ALDH16A1: variants seen among roughly 807,000 people sequenced by gnomAD.
ALDH16A1 encodes the protein aldehyde dehydrogenase family 16 member A1.
In ALDH16A1, 88 loss-of-function variants were observed where a neutral mutation model predicts 96.1. The ratio of observed to expected loss-of-function variants is 0.92; its 90% CI spans 0.77 to 1.09. The LOEUF (loss-of-function observed/expected upper bound fraction) is 1.09. ALDH16A1 is among the 50% of genes least tolerant of loss of function. The pLI, the probability that ALDH16A1 is intolerant of heterozygous loss-of-function variation, is 0.00. For missense variants in ALDH16A1, 1,250 were observed against 1,112.6 expected, an observed-to-expected ratio of 1.12 and a Z score of -1.76; for synonymous variants, 522 against 496.4, an observed-to-expected ratio of 1.05 and a Z score of -0.69.
Position 49,465,727 on chromosome 19 carries a change from C to T in ALDH16A1, c.1569-11C>T. Reference sequence around the variant, plus strand: ...CCCCAGGACTCCTCCTCATGTCCCACCCTACTCCAGCCCAGCACCCCCCTA... The same window carrying T: ...CCCCAGGACTCCTCCTCATGTCCCATCCTACTCCAGCCCAGCACCCCCCTA... On this transcript the variant is annotated splice_polypyrimidine_tract_variant and intron_variant, in intron 12 of 16. Coordinates refer to ENST00000293350, the MANE Select transcript of ALDH16A1 (RefSeq NM_153329.4). 3 of 1,609,454 alleles carry T rather than the reference C, an allele frequency of 1.9e-6. No homozygotes were observed. Among genetic ancestry groups the T allele is most frequent in the Non-Finnish European group, 2.5e-6 (3 of 1,177,070 alleles).
Position 49,468,521 on chromosome 19 carries a change from G to A in ALDH16A1, c.2079G>A (p.Met693Ile). ...PALAYGNTVV[M>I]VPSAACPLLA... Reference sequence around the variant, plus strand: ...TGGCCTACGGCAACACTGTGGTCATGGTGCCCAGTGCGGCCTGTCCTCTGC... The same window carrying A: ...TGGCCTACGGCAACACTGTGGTCATAGTGCCCAGTGCGGCCTGTCCTCTGC... The change falls in exon 15 of 17, where the codon ATG becomes ATA. Residue 693 changes from methionine (M) to isoleucine (I), a missense_variant. By Grantham distance (10) the Met-to-Ile change is conservative (BLOSUM62 1). Coordinates refer to ENST00000293350, the MANE Select transcript of ALDH16A1 (RefSeq NM_153329.4). The surrounding 1 kb of genome is among the most constrained non-coding windows in gnomAD (Gnocchi z 4.4). 6.2e-7 allele frequency: 1 copy of A among 1,604,674 alleles called. No individual in the cohort carries two copies. Among genetic ancestry groups the A allele is most frequent in the Non-Finnish European group, 8.5e-7 (1 of 1,179,922 alleles).
rs371255204 is a variant in ALDH16A1, at chr19:49,462,075, G to A, written c.912+39G>A. The A allele has an allele frequency of 5.5e-5, 83 of 1,501,262 alleles. No homozygotes were observed. The African/African-American group carries it at 9.1e-4, about 16-fold the overall frequency. The allele number at this position is 1,501,262 out of a possible 1,614,324, so 93.0% of individuals were successfully genotyped here. On this transcript the variant is annotated intron_variant, in intron 7 of 16. Transcript: ENST00000293350. ...GCTCCCGTCTCCTCATACCCTGGAG[G>A]CCGTTGGTGTCTGTCTCCAGTCTTC...
Position 49,459,713 on chromosome 19 carries a change from C to T in ALDH16A1, c.364C>T (p.Leu122=). The T allele has an allele frequency of 1.2e-6, 2 of 1,612,958 alleles. No individual in the cohort carries two copies. The highest frequency in any genetic ancestry group is 1.7e-4 in the Middle Eastern group (1 of 6,044). The change falls in exon 4 of 17, where the codon CTG becomes TTG. Residue 122 remains leucine, a synonymous_variant. Coordinates refer to ENST00000293350, the MANE Select transcript of ALDH16A1 (RefSeq NM_153329.4). This position sits in a 1 kb window ranked among gnomAD's most constrained non-coding sequence, Gnocchi z 4.1. ...IQKHQRLLWT[L]ESLVTGRAVR... ...GAAGCACCAGCGGCTGCTGTGGACC[C>T]TGGAATCCCTGGTGACTGGGCGGGC... is the stretch of plus-strand genomic sequence containing the variant.
rs1001328367 is a variant in ALDH16A1 at position 49,468,085 on chromosome 19, G to A, written c.1939-296G>A. ...TGAGGCAGGAGAATGGCGTGAACCC[G>A]GGAGGCGGAGGTTGCAGTGAGCCAA... On this transcript the variant is annotated intron_variant, in intron 14 of 16. Transcript: ENST00000293350. The surrounding 1 kb of genome is among the most constrained non-coding windows in gnomAD (Gnocchi z 4.4). Among the ~76,000 whole-genome samples the A allele has an allele frequency of 9.2e-5, 14 of 151,444 alleles. No individual in the cohort carries two copies. The highest frequency in any genetic ancestry group is 2.4e-4 in the African/African-American group (10 of 41,200).
In ALDH16A1 at chr19:49,464,663, C is replaced by A; in HGVS notation, c.1469C>A (p.Thr490Asn). 6.2e-7 allele frequency: 1 copy of A among 1,614,192 alleles called. No individual in the cohort carries two copies. The highest frequency in any genetic ancestry group is 8.5e-7 in the Non-Finnish European group (1 of 1,180,032). Residue 490 changes from threonine to asparagine, a missense_variant, in exon 12 of 17, where the codon ACC (threonine) becomes AAC (asparagine). Coordinates refer to ENST00000293350, the MANE Select transcript of ALDH16A1 (RefSeq NM_153329.4). The part of the protein sequence containing the change: ...GLYEYLRPSG[T>N]PARLSCLSKN... ...TATGAGTATCTGCGGCCCTCAGGGA[C>A]CCCTGCCCGGCTGTCCTGCCTCTCC...
At chr19:49,470,260 C>T (rs763431376) in intron 16 of ALDH16A1, 46 bp from the exon 17 acceptor site, 1 of 1,607,076 alleles carries the variant, frequency 6.2e-7, no homozygotes, top group South Asian at 1.1e-5. Context: ...AGGTGCTCAG[C>T]AACAAGCCTG....
At position 49,461,803 on chromosome 19, in the gene ALDH16A1, AC is replaced by A. The variant is rs776794667; in HGVS notation, c.759+5del. ...TGGCCTTCTGCGGAGCCCCGGAGGT[AC>A]CTTCGGGACAGGGGTCGTGGCGGAA... On this transcript the variant is annotated splice_donor_region_variant and intron_variant, in intron 6 of 16. Coordinates refer to ENST00000293350, the MANE Select transcript of ALDH16A1 (RefSeq NM_153329.4). 1 of 1,609,496 alleles carries A rather than the reference AC, an allele frequency of 6.2e-7. No homozygotes were observed. The highest frequency in any genetic ancestry group is 2.2e-5 in the East Asian group (1 of 44,658).
At chr19:49,465,573 T>C (rs1344219385) in intron 12 of ALDH16A1, among the ~76,000 whole-genome samples, 165 bp from the exon 13 acceptor site, 2 of 147,440 alleles carry the variant, frequency 1.4e-5, no homozygotes, top group African/African-American at 5.1e-5. Flanking sequence ...CCCCAGTGAA[T>C]CATGGGAGCA....
chr19:49,465,827 A>G lies in ALDH16A1; in HGVS notation c.1658A>G (p.Asn553Ser). Residue 553 changes from asparagine (N) to serine (S), a missense_variant, in exon 13 of 17, where the codon AAC (asparagine) becomes AGC (serine). Transcript: ENST00000293350. ...AGGCCCATCCGGGATTCGTCTGGCA[A>G]CCTCCATGGCTACGTGGCTGAGGGT... ...SSRPIRDSSG[N>S]LHGYVAEGGA... 1 of 1,614,040 alleles carries G rather than the reference A, an allele frequency of 6.2e-7. No homozygotes were observed. The highest frequency in any genetic ancestry group is 8.5e-7 in the Non-Finnish European group (1 of 1,179,994).
At position 49,464,848 on chromosome 19, in the gene ALDH16A1, G is replaced by A. The variant is rs529444362; in HGVS notation, c.1568+86G>A. 156 of 1,583,144 alleles carry A rather than the reference G, an allele frequency of 9.9e-5. 2 individuals are homozygous for A. In the South Asian group the frequency reaches 1.3e-3, roughly 13 times the overall value. Reference sequence around the variant, plus strand: ...TTTCCCCGTGGACTGGAGGGCTGGCGCGAGGTCCATCCAAACCATCTCTTA... The same window carrying A: ...TTTCCCCGTGGACTGGAGGGCTGGCACGAGGTCCATCCAAACCATCTCTTA... On this transcript the variant is annotated intron_variant, in intron 12 of 16. Transcript: ENST00000293350.
rs536586176 is a variant in ALDH16A1, at chr19:49,458,791, G to A, written c.194-169G>A. Among the ~76,000 whole-genome samples, 4 of 152,350 alleles carry A rather than the reference G, an allele frequency of 2.6e-5. No individual in the cohort carries two copies. The South Asian group carries it at 8.3e-4, about 32-fold the overall frequency. ...TCTGTGGAGGCTTTGTGAGACTGCT[G>A]TCTGTTAAAATAGCTTCCTTGCCCT... On this transcript the variant is annotated intron_variant, in intron 2 of 16. Transcript: ENST00000293350.
chr19:49,453,906 A>G (rs1178306325), intron 1 of ALDH16A1, among the ~76,000 whole-genome samples: 1 of 151,848 alleles, frequency 6.6e-6, no homozygotes, highest in African/African-American at 2.4e-5. Flanking sequence ...GACCTTCAGA[A>G]CTTCCATGGA....
chr19:49,460,602 TG>T (rs760192578), intron 4 of ALDH16A1, among the ~76,000 whole-genome samples: 1 of 151,248 alleles, frequency 6.6e-6, no homozygotes, highest in Non-Finnish European at 1.5e-5. Context: ...TTAGTGGAGA[TG>T]GGGTTTTTCC....
In ALDH16A1 at chr19:49,465,983, G is replaced by T. The variant is rs35228868; in HGVS notation, c.1736+78G>T. 8.6e-3 allele frequency: 13,328 copies of T among 1,551,906 alleles called. 88 individuals are homozygous for T. Among genetic ancestry groups the T allele is most frequent in the Middle Eastern group, 0.012 (58 of 4,956 alleles). ...CCTGCCCACAGCAATTGGTGGACTGGGAGGCTGGGCCCCCAGGGTAGGGGC... is the reference window on the plus strand; with the variant it reads ...CCTGCCCACAGCAATTGGTGGACTGTGAGGCTGGGCCCCCAGGGTAGGGGC... On this transcript the variant is annotated intron_variant, in intron 13 of 16. Coordinates refer to ENST00000293350, the MANE Select transcript of ALDH16A1 (RefSeq NM_153329.4).
In ALDH16A1 at chr19:49,461,560, C is replaced by G. The variant is rs12460996; in HGVS notation, c.578-59C>G. The G allele has an allele frequency of 1.8e-4, 215 of 1,209,054 alleles. 41 individuals are homozygous for G. The African/African-American group carries it at 4.1e-3, about 23-fold the overall frequency. The allele number at this position is 1,209,054 out of a possible 1,614,324, so 74.9% of individuals were successfully genotyped here. ...GGGCTGGGGGTCCAGATTCCTGGGTCTGAGGGAGGAGGGGCTGGGCCTGGA... is the reference window on the plus strand; with the variant it reads ...GGGCTGGGGGTCCAGATTCCTGGGTGTGAGGGAGGAGGGGCTGGGCCTGGA... On this transcript the variant is annotated intron_variant, in intron 5 of 16. Transcript: ENST00000293350.
chr19:49,468,504 G>T lies in ALDH16A1; in HGVS notation c.2062G>T (p.Gly688Cys). 6.2e-7 allele frequency: 1 copy of T among 1,604,068 alleles called. No individual in the cohort carries two copies. The highest frequency in any genetic ancestry group is 8.5e-7 in the Non-Finnish European group (1 of 1,179,936). The change falls in exon 15 of 17, where the codon GGC becomes TGC. Residue 688 changes from glycine (G) to cysteine (C), a missense_variant. Transcript: ENST00000293350. This position sits in a 1 kb window ranked among gnomAD's most constrained non-coding sequence, Gnocchi z 4.4. ...VSLLAPALAY[G>C]NTVVMVPSAA... ...CCTGCTGGCTCCCGCCCTGGCCTAC[G>T]GCAACACTGTGGTCATGGTGCCCAG...
intron 1 of ALDH16A1, among the ~76,000 whole-genome samples, chr19:49,454,461 G>A (rs1456630109): frequency 6.6e-6 from 1 of 151,970 alleles, no homozygotes; most frequent in Non-Finnish European, 1.5e-5. Flanking sequence ...AGGGTCCCAT[G>A]ATCCCCTGGG....
Position 49,464,682 on chromosome 19 carries a change from C to G in ALDH16A1, c.1488C>G (p.Cys496Trp). 6.2e-7 allele frequency: 1 copy of G among 1,614,198 alleles called. No homozygotes were observed. Among genetic ancestry groups the G allele is most frequent in the East Asian group, 2.2e-5 (1 of 44,882 alleles). ...RPSGTPARLS[C>W]LSKNLNYDTF... Reference sequence around the variant, plus strand: ...CAGGGACCCCTGCCCGGCTGTCCTGCCTCTCCAAGAACCTGAACTATGACA... The same window carrying G: ...CAGGGACCCCTGCCCGGCTGTCCTGGCTCTCCAAGAACCTGAACTATGACA... The change falls in exon 12 of 17, where the codon TGC becomes TGG. Residue 496 changes from cysteine (C) to tryptophan (W), a missense_variant. Coordinates refer to ENST00000293350, the MANE Select transcript of ALDH16A1 (RefSeq NM_153329.4).
rs780708156 is a variant in ALDH16A1, at chr19:49,464,273, C to T, written c.1331+10C>T. On this transcript the variant is annotated intron_variant, in intron 10 of 16. Coordinates refer to ENST00000293350, the MANE Select transcript of ALDH16A1 (RefSeq NM_153329.4). ...TGGAGCTGGGCTATGGGTCAGTCTG[C>T]GTGGCCCGGGCGCTCACTCCTCTCC... 5.6e-6 allele frequency: 9 copies of T among 1,599,476 alleles called. No homozygotes were observed. Among genetic ancestry groups the T allele is most frequent in the African/African-American group, 2.7e-5 (2 of 74,840 alleles).
Sources: gnomAD v4.1 joint callset for allele counts (sites outside exome capture counted in the v4.1 genomes callset) on GRCh38, gnomAD v4.1.1 for gene constraint, Gnocchi (gnomAD v3.1) non-coding constraint, MANE v1.5 for transcripts, NCBI Gene and HGNC (gene_info 2026-07-23, HGNC 2026-07-21) for gene names.